The following CTNNA3 variants were observed in gnomAD, a reference collection of about 807,000 sequenced individuals.
The protein encoded by CTNNA3 is catenin alpha 3, also known as catenin alpha-3.
CTNNA3 carries 76 observed loss-of-function variants against 95.7 expected under a neutral mutation model. The ratio of observed to expected loss-of-function variants is 0.79; its 90% CI spans 0.66 to 0.96. The LOEUF (loss-of-function observed/expected upper bound fraction) is 0.96. Among genes scored for constraint, CTNNA3 ranks in the 40% least tolerant of loss-of-function variants. The pLI, the probability that CTNNA3 is intolerant of heterozygous loss-of-function variation, is 0.00. For missense variants in CTNNA3, 1,191 were observed against 1,089.8 expected (o/e 1.09, Z -1.31); for synonymous variants, 431 against 374.4 (o/e 1.15, Z -1.74).
chr10:66,446,455 A>G lies in CTNNA3; in HGVS notation c.1532-67103T>C, dbSNP rs1287526038. 2.6e-5 allele frequency among the ~76,000 whole-genome samples: 4 copies of G among 151,948 alleles called. No homozygotes were observed. In the East Asian group the frequency reaches 7.7e-4, roughly 29 times the overall value. On this transcript the variant is annotated intron_variant, in intron 11 of 17. Transcript: ENST00000433211. Reference sequence around the variant, plus strand: ...ATACTGGCAAACCGAATCCAGCAGCACATCAAAAAGTTTATCCACCATGAT... The same window carrying G: ...ATACTGGCAAACCGAATCCAGCAGCGCATCAAAAAGTTTATCCACCATGAT...
intron 9 of CTNNA3, among the ~76,000 whole-genome samples, chr10:66,626,190 GAAATC>G (rs1271746063): frequency 6.6e-6 from 1 of 152,058 alleles, no homozygotes; most frequent in Non-Finnish European, 1.5e-5. Context: ...AAACTGAAAT[GAAATC>G]ATTGTTAGGA....
chr10:67,333,335 G>A (rs1280739632), intron 5 of CTNNA3, among the ~76,000 whole-genome samples: 1 of 152,118 alleles, frequency 6.6e-6, no homozygotes, highest in Non-Finnish European at 1.5e-5. Context: ...ACAAGCCAAT[G>A]CAGCTTTTTT....
intron 7 of CTNNA3, among the ~76,000 whole-genome samples, chr10:67,005,889 T>A (rs1360991850): frequency 1.3e-5 from 2 of 151,762 alleles, no homozygotes; most frequent in Admixed American, 6.6e-5. Flanking sequence ...TATCACCATG[T>A]TGGCTAGGCT....
intron 9 of CTNNA3, among the ~76,000 whole-genome samples, chr10:66,622,867 T>G (rs1844799953): frequency 6.6e-6 from 1 of 152,168 alleles, no homozygotes; most frequent in Non-Finnish European, 1.5e-5. Context: ...ATTTACAGTC[T>G]TTGCTTTTTT....
chr10:66,181,556 C>T (rs193093221), intron 13 of CTNNA3, among the ~76,000 whole-genome samples: 1 of 152,214 alleles, frequency 6.6e-6, no homozygotes, highest in East Asian at 1.9e-4. Context: ...CCCTCAGTTC[C>T]TTCCAGAGTG....
chr10:67,587,193 T>G (rs986375509), intron 3 of CTNNA3, among the ~76,000 whole-genome samples: 33 of 130,154 alleles, frequency 2.5e-4, no homozygotes, highest in Non-Finnish European at 4.3e-4. Context: ...CCCAGCTAAC[T>G]TGTGTGTGTG....
chr10:67,715,056 C>G (rs1841135020), intron 1 of CTNNA3, among the ~76,000 whole-genome samples: 1 of 152,180 alleles, frequency 6.6e-6, no homozygotes, highest in Non-Finnish European at 1.5e-5. Flanking sequence ...TCTTCCTGAG[C>G]ACAATTGAGA....
chr10:67,552,298 A>T (rs542614318), intron 3 of CTNNA3, among the ~76,000 whole-genome samples: 21 of 152,294 alleles, frequency 1.4e-4, no homozygotes, highest in African/African-American at 5.1e-4. Context: ...GTTAGACCTG[A>T]ACCAGCCAAA....
At chr10:67,726,026 A>G (rs1012374187) in intron 1 of CTNNA3, among the ~76,000 whole-genome samples, 5 of 134,060 alleles carry the variant, frequency 3.7e-5, no homozygotes, top group Non-Finnish European at 7.7e-5. Context: ...ACATATTTAT[A>G]AATGGAATTC....
intron 13 of CTNNA3, among the ~76,000 whole-genome samples, chr10:66,144,821 G>A (rs1462964766): frequency 6.6e-6 from 1 of 152,168 alleles, no homozygotes; most frequent in Non-Finnish European, 1.5e-5. Context: ...AGGCATTAAT[G>A]TCAGTTAATG....
At position 66,946,821 on chromosome 10, in the gene CTNNA3, C is replaced by T. The variant is rs16923819; in HGVS notation, c.1048-171297G>A. 0.028 allele frequency among the ~76,000 whole-genome samples: 4,320 copies of T among 152,128 alleles called. 388 individuals carry two copies. In the East Asian group the frequency reaches 0.36, roughly 13 times the overall value. On this transcript the variant is annotated intron_variant, in intron 7 of 17. Transcript: ENST00000433211. ...CCCTCTTATTCAAATGATGGATCTA[C>T]GTATGTACTTGGAAGTTCTTGATAA...
intron 7 of CTNNA3, among the ~76,000 whole-genome samples, chr10:66,916,567 C>G (rs1298739046): frequency 6.6e-6 from 1 of 152,242 alleles, no homozygotes; most frequent in East Asian, 1.9e-4. Context: ...CTCAGACTCA[C>G]CTATTAAATT....
chr10:66,211,223 T>A (rs540258906), intron 13 of CTNNA3, among the ~76,000 whole-genome samples: 4 of 152,088 alleles, frequency 2.6e-5, no homozygotes, highest in African/African-American at 9.7e-5. Flanking sequence ...CGTGAACATA[T>A]AATGGATGCA....
intron 5 of CTNNA3, among the ~76,000 whole-genome samples, chr10:67,399,662 C>G (rs1447526268): frequency 6.6e-6 from 1 of 152,174 alleles, no homozygotes; most frequent in Non-Finnish European, 1.5e-5. Context: ...CATCCTATGT[C>G]CTTAGTTCAG....
chr10:66,010,681 T>C (rs1160982463), intron 15 of CTNNA3, among the ~76,000 whole-genome samples: 2 of 152,220 alleles, frequency 1.3e-5, no homozygotes, highest in Admixed American at 6.5e-5. Context: ...TTGAGATGTA[T>C]GATTTAATTT....
rs1034031449 is a variant in CTNNA3, at chr10:67,019,376, G to C, written c.1047+160941C>G. Among the ~76,000 whole-genome samples, 3 of 151,874 alleles carry C rather than the reference G, an allele frequency of 2.0e-5. No individual in the cohort carries two copies. In the East Asian group the frequency reaches 5.8e-4, roughly 29 times the overall value. On this transcript the variant is annotated intron_variant, in intron 7 of 17. Coordinates refer to ENST00000433211, the MANE Select transcript of CTNNA3 (RefSeq NM_013266.4). ...TGGGATTACAGGCATGTGCCACCAC[G>C]CCAGGCTAATTTTGTGTTTTTAGTA...
At chr10:67,034,901 A>G (rs1028634092) in intron 7 of CTNNA3, among the ~76,000 whole-genome samples, 2 of 152,166 alleles carry the variant, frequency 1.3e-5, no homozygotes, top group East Asian at 3.9e-4. Context: ...TCATGTTGAC[A>G]TATCTCTTGG....
chr10:66,380,988 G>A (rs1295842186), intron 11 of CTNNA3, among the ~76,000 whole-genome samples: 3 of 150,024 alleles, frequency 2.0e-5, no homozygotes, highest in Admixed American at 1.3e-4. Context: ...ATATTAGACA[G>A]ATCAATGAGA....
chr10:66,465,980 C>G (rs1473812296), intron 11 of CTNNA3, among the ~76,000 whole-genome samples: 1 of 152,026 alleles, frequency 6.6e-6, no homozygotes, highest in Non-Finnish European at 1.5e-5. Flanking sequence ...CCACAGTACT[C>G]AGATATTTGG....
Sources: gnomAD v4.1 joint callset for allele counts (sites outside exome capture counted in the v4.1 genomes callset) on GRCh38, gnomAD v4.1.1 for gene constraint, MANE v1.5 for transcripts, NCBI Gene and HGNC (gene_info 2026-07-23, HGNC 2026-07-21) for gene names.